The following ANO5 variants were observed in gnomAD, a reference collection of about 807,000 sequenced individuals.
The protein encoded by ANO5 is anoctamin 5.
ANO5 carries 109 observed loss-of-function variants against 121.0 expected under a neutral mutation model. That is an observed-to-expected ratio of 0.90 (90% CI 0.77 to 1.06). The LOEUF is 1.06. ANO5 is among the 50% of genes least tolerant of loss of function. ANO5 has a pLI of 0.00. For missense variants in ANO5, 1,064 were observed against 1,078.5 expected, an observed-to-expected ratio of 0.99 and a Z score of 0.19; for synonymous variants, 406 against 359.9, an observed-to-expected ratio of 1.13 and a Z score of -1.45.
intron 1 of ANO5, 110 bp from the exon 2 acceptor site, chr11:22,203,694 C>T (rs1590215270): frequency 3.0e-6 from 2 of 668,954 alleles, no homozygotes; most frequent in Non-Finnish European, 5.1e-6. Context: ...AGTATTTTTT[C>T]TTTGAATTTT....
chr11:22,263,072 G>T lies in ANO5; in HGVS notation c.1898+29G>T, dbSNP rs76084798. On this transcript the variant is annotated intron_variant, in intron 17 of 21. Transcript: ENST00000324559. ...TGTATGACTTACAAGCTTTTTATTT[G>T]ATTTAAGTAACCATGAGATATTTCC... The T allele has an allele frequency of 5.4e-3, 8,355 of 1,535,890 alleles. 362 individuals carry two copies. In the African/African-American group the frequency reaches 0.098, roughly 18 times the overall value.
chr11:22,221,443 C>A (rs2133589943), intron 5 of ANO5, among the ~76,000 whole-genome samples: 1 of 152,090 alleles, frequency 6.6e-6, no homozygotes, highest in South Asian at 2.1e-4. Context: ...TTCCAAGTAA[C>A]TGATTCTTTT....
At chr11:22,236,394 C>A in intron 8 of ANO5, 118 bp downstream of exon 8, 1 of 814,334 alleles carries the variant, frequency 1.2e-6, no homozygotes, top group South Asian at 1.4e-5. Context: ...GTGGGAAAAT[C>A]CCCAAAGACT....
intron 21 of ANO5, among the ~76,000 whole-genome samples, 156 bp from the exon 22 acceptor site, chr11:22,279,388 T>C (rs1232833735): frequency 2.0e-5 from 3 of 151,966 alleles, no homozygotes; most frequent in Non-Finnish European, 4.4e-5. Context: ...TTGATCTTTG[T>C]ATGAAAGTTC....
Position 22,279,871 on chromosome 11 carries a change from T to G in ANO5, c.*106T>G. Reference sequence around the variant, plus strand: ...GTGTCAATTTTACCCTTTCTTTTTTTTTTTTTTCTTTTTTTTTTTAAACTC... The same window carrying G: ...GTGTCAATTTTACCCTTTCTTTTTTGTTTTTTTCTTTTTTTTTTTAAACTC... On this transcript the variant is annotated 3_prime_UTR_variant, in exon 22 of 22. Coordinates refer to ENST00000324559, the MANE Select transcript of ANO5 (RefSeq NM_213599.3). The G allele has an allele frequency of 1.0e-6, 1 of 988,184 alleles. No individual in the cohort carries two copies. The highest frequency in any genetic ancestry group is 1.5e-6 in the Non-Finnish European group (1 of 677,940). The allele number at this position is 988,184 out of a possible 1,614,324, so 61.2% of individuals were successfully genotyped here.
intron 7 of ANO5, among the ~76,000 whole-genome samples, chr11:22,230,561 A>T (rs955503796): frequency 2.0e-5 from 3 of 152,000 alleles, no homozygotes; most frequent in Admixed American, 6.6e-5. Flanking sequence ...TGTTTAAAAA[A>T]TTTCAGATTC....
chr11:22,245,210 G>C (rs1853577775), intron 9 of ANO5, among the ~76,000 whole-genome samples: 1 of 152,138 alleles, frequency 6.6e-6, no homozygotes, highest in Admixed American at 6.6e-5. Context: ...GATAGGCTCA[G>C]CCTCGCAGCG....
chr11:22,257,391 A>T (rs1233991470), intron 13 of ANO5, among the ~76,000 whole-genome samples: 1 of 152,180 alleles, frequency 6.6e-6, no homozygotes, highest in Non-Finnish European at 1.5e-5. Context: ...ATTATTCATT[A>T]TTTGACTTTA....
chr11:22,203,794 TTTAA>T lies in ANO5; in HGVS notation c.41-7_41-4del, dbSNP rs1852033595. On this transcript the variant is annotated splice_polypyrimidine_tract_variant and splice_region_variant and intron_variant, in intron 1 of 21. Coordinates refer to ENST00000324559, the MANE Select transcript of ANO5 (RefSeq NM_213599.3). Reference sequence around the variant, plus strand: ...ATTTAACATGTTTTTCTCTTTCTTATTTAATTTAGGGGAAAAAGTCAATAAGCAT... The same window carrying T: ...ATTTAACATGTTTTTCTCTTTCTTATTTTAGGGGAAAAAGTCAATAAGCAT... 6.9e-7 allele frequency: 1 copy of T among 1,452,810 alleles called. No homozygotes were observed. Among genetic ancestry groups the T allele is most frequent in the East Asian group, 2.3e-5 (1 of 43,282 alleles). The allele number at this position is 1,452,810 out of a possible 1,614,324, so 90.0% of individuals were successfully genotyped here.
chr11:22,243,152 A>G (rs1047810488), intron 9 of ANO5, among the ~76,000 whole-genome samples: 2 of 152,154 alleles, frequency 1.3e-5, no homozygotes, highest in East Asian at 3.9e-4. Flanking sequence ...CTTTTTCTGC[A>G]TTTATTGAGA....
At chr11:22,222,693 C>T (rs1369018348) in intron 5 of ANO5, among the ~76,000 whole-genome samples, 1 of 143,774 alleles carries the variant, frequency 7.0e-6, no homozygotes, top group Non-Finnish European at 1.5e-5. Flanking sequence ...CCCAGTTGTA[C>T]TTGACAAAAT....
At chr11:22,273,113 C>T (rs533062631) in intron 19 of ANO5, 124 bp downstream of exon 19, 61 of 1,068,796 alleles carry the variant, frequency 5.7e-5, no homozygotes, top group Admixed American at 3.2e-4. Flanking sequence ...TAAAACATTC[C>T]GAAATTGTTA....
chr11:22,258,448 CAG>C (rs1193165448), intron 14 of ANO5, among the ~76,000 whole-genome samples: 1 of 152,112 alleles, frequency 6.6e-6, no homozygotes, highest in Non-Finnish European at 1.5e-5. Flanking sequence ...AGTATATCCC[CAG>C]AAAATTATTC....
At chr11:22,272,061 A>T (rs1209833812) in intron 18 of ANO5, among the ~76,000 whole-genome samples, 2 of 151,900 alleles carry the variant, frequency 1.3e-5, no homozygotes, top group African/African-American at 4.8e-5. Context: ...ATGGCTTATT[A>T]TTTTTTTCTT....
chr11:22,226,166 GC>G, intron 6 of ANO5, 114 bp downstream of exon 6: 1 of 840,618 alleles, frequency 1.2e-6, no homozygotes, highest in Admixed American at 2.1e-5. Context: ...AGCTCTTTTG[GC>G]TACAGATATG....
chr11:22,256,956 T>C (rs1459790914), intron 13 of ANO5, among the ~76,000 whole-genome samples: 1 of 152,290 alleles, frequency 6.6e-6, no homozygotes, highest in African/African-American at 2.4e-5. Flanking sequence ...TGTAGGACTC[T>C]TGGACAGCTG....
intron 7 of ANO5, among the ~76,000 whole-genome samples, chr11:22,233,243 C>T (rs907399183): frequency 6.6e-6 from 1 of 151,634 alleles, no homozygotes; most frequent in African/African-American, 2.4e-5. Context: ...AGTGATTACT[C>T]CGAGAAAACA....
chr11:22,280,029 G>C lies in ANO5; in HGVS notation c.*264G>C. On this transcript the variant is annotated 3_prime_UTR_variant, in exon 22 of 22. Transcript: ENST00000324559. ...TAAATGACTGTTGAAAGTGCAGGTA[G>C]AATCAGAATACTGGGAAATTATGGA... 4.5e-6 allele frequency: 2 copies of C among 443,178 alleles called. No homozygotes were observed. Among genetic ancestry groups the C allele is most frequent in the Non-Finnish European group, 8.1e-6 (2 of 247,634 alleles). 27.5% of individuals were successfully genotyped at this position (443,178 alleles called of 1,614,324 possible). A position where few individuals can be genotyped will look rare whatever the true frequency, so the allele number is the denominator to read the frequency against.
intron 4 of ANO5, among the ~76,000 whole-genome samples, chr11:22,220,832 T>C (rs2133587179): frequency 6.6e-6 from 1 of 152,068 alleles, no homozygotes; most frequent in South Asian, 2.1e-4. Flanking sequence ...TTGAGATCAA[T>C]TTATACATAT....
Sources: allele counts gnomAD v4.1 joint callset (sites outside exome capture counted in the v4.1 genomes callset), GRCh38; gene constraint gnomAD v4.1.1; transcripts MANE v1.5; gene names NCBI Gene and HGNC (gene_info 2026-07-23, HGNC 2026-07-21).